The following CEP112 variants were observed in gnomAD, a reference collection of about 807,000 sequenced individuals.
CEP112 encodes centrosomal protein 112, also known as centrosomal protein of 112 kDa.
CEP112 carries 127 observed loss-of-function variants against 153.0 expected under a neutral mutation model. The observed-to-expected ratio is 0.83, with a 90% CI of 0.72 to 0.96. The LOEUF (loss-of-function observed/expected upper bound fraction) is 0.96, where lower values mean the gene tolerates loss of function less well. Among genes scored for constraint, CEP112 ranks in the 40% least tolerant of loss-of-function variants. The pLI, the probability that CEP112 is intolerant of heterozygous loss-of-function variation, is 0.00. For synonymous variants in CEP112, 358 were observed against 374.4 expected (o/e 0.96, Z 0.51); for missense variants, 1,089 against 1,101.2 (o/e 0.99, Z 0.16).
chr17:65,885,025 G>A (rs1178287096), intron 20 of CEP112, among the ~76,000 whole-genome samples: 1 of 151,904 alleles, frequency 6.6e-6, no homozygotes, highest in Admixed American at 6.6e-5. Flanking sequence ...CTAGTTTGTA[G>A]TTTCAAATAA....
chr17:65,866,838 G>T (rs751559018), intron 20 of CEP112, among the ~76,000 whole-genome samples: 1 of 152,246 alleles, frequency 6.6e-6, no homozygotes, highest in Non-Finnish European at 1.5e-5. Context: ...GGTCTCCTCT[G>T]AGCTGTTCTA....
chr17:65,914,308 G>T (rs2060393959), intron 19 of CEP112, among the ~76,000 whole-genome samples: 1 of 150,638 alleles, frequency 6.6e-6, no homozygotes. Flanking sequence ...TAAAAATCAT[G>T]TAAGTTTGCC....
At chr17:66,158,966 AAGAAGAAAAG>A (rs2071573878) in intron 4 of CEP112, among the ~76,000 whole-genome samples, 1 of 151,936 alleles carries the variant, frequency 6.6e-6, no homozygotes, top group African/African-American at 2.4e-5. Flanking sequence ...CAGACTAATA[AAGAAGAAAAG>A]AGAAGAATCA....
intron 20 of CEP112, among the ~76,000 whole-genome samples, chr17:65,895,401 G>C (rs1386234659): frequency 6.6e-6 from 1 of 152,052 alleles, no homozygotes; most frequent in Non-Finnish European, 1.5e-5. Context: ...TAAAAACTCA[G>C]TGTTGTTGGA....
chr17:66,043,041 T>C, intron 12 of CEP112: 5 of 946,648 alleles, frequency 5.3e-6, no homozygotes, highest in Non-Finnish European at 6.3e-6. Context: ...CATAGTTAAA[T>C]ATTTCAGATG....
chr17:66,018,704 A>C (rs1346193452), intron 16 of CEP112, among the ~76,000 whole-genome samples: 1 of 152,232 alleles, frequency 6.6e-6, no homozygotes, highest in African/African-American at 2.4e-5. Context: ...AAAAGCGTGC[A>C]TGATTGCTAG....
chr17:65,950,739 T>TAGC (rs2061802426), intron 18 of CEP112, among the ~76,000 whole-genome samples: 1 of 151,658 alleles, frequency 6.6e-6, no homozygotes, highest in Non-Finnish European at 1.5e-5. Context: ...GTAGTAGTAG[T>TAGC]ATTTTGCCTT....
chr17:65,910,441 G>C (rs1406050585), intron 19 of CEP112, among the ~76,000 whole-genome samples: 1 of 151,758 alleles, frequency 6.6e-6, no homozygotes, highest in Admixed American at 6.6e-5. Flanking sequence ...TGAACTTAGT[G>C]ACAAAGAAGA....
In CEP112 at chr17:66,190,054, G is replaced by C. The variant is rs995425494; in HGVS notation, c.-9+1943C>G. Among the ~76,000 whole-genome samples the C allele has an allele frequency of 2.6e-5, 4 of 152,054 alleles. No individual in the cohort carries two copies. The East Asian group carries it at 5.8e-4, about 22-fold the overall frequency. On this transcript the variant is annotated intron_variant, in intron 1 of 26. Coordinates refer to ENST00000535342, the MANE Select transcript of CEP112 (RefSeq NM_001199165.4). ...CTCAAAAAACCTGAAAATGGAACGGGTGCAGTGGCTCACACCTGTAATCCC... is the reference window on the plus strand; with the variant it reads ...CTCAAAAAACCTGAAAATGGAACGGCTGCAGTGGCTCACACCTGTAATCCC...
At chr17:66,141,328 TATGAA>T (rs2146611196) in intron 4 of CEP112, among the ~76,000 whole-genome samples, 1 of 152,052 alleles carries the variant, frequency 6.6e-6, no homozygotes, top group South Asian at 2.1e-4. Flanking sequence ...CCTTTTCACA[TATGAA>T]ATGTCTACTT....
intron 1 of CEP112, among the ~76,000 whole-genome samples, chr17:66,188,397 A>AT (rs1568598275): frequency 2.8e-4 from 36 of 129,038 alleles, no homozygotes; most frequent in South Asian, 5.8e-4. Flanking sequence ...CCATGGTCAA[A>AT]CCCCCCCCCA....
At chr17:65,728,191 C>T (rs1401809628) in intron 23 of CEP112, among the ~76,000 whole-genome samples, 1 of 152,092 alleles carries the variant, frequency 6.6e-6, no homozygotes, top group Non-Finnish European at 1.5e-5. Context: ...CTTGACAATG[C>T]CTGTTTTAGA....
At chr17:65,673,612 A>G (rs1000082335) in intron 24 of CEP112, among the ~76,000 whole-genome samples, 2 of 152,156 alleles carry the variant, frequency 1.3e-5, no homozygotes, top group Non-Finnish European at 2.9e-5. Context: ...ATAACATAAC[A>G]AATTTGAGGT....
chr17:66,028,289 T>A, intron 15 of CEP112, 24 bp downstream of exon 15: 1 of 1,385,220 alleles, frequency 7.2e-7, no homozygotes, highest in Non-Finnish European at 1.0e-6. Context: ...CCATTGTTCT[T>A]CTGTGTAGAA....
intron 24 of CEP112, among the ~76,000 whole-genome samples, chr17:65,649,560 T>TAA (rs201952242): frequency 1.3e-5 from 2 of 150,192 alleles, no homozygotes; most frequent in African/African-American, 2.5e-5. Context: ...CTACTAAAAA[T>TAA]AAAAAAAAAT....
chr17:66,156,566 G>A lies in CEP112; in HGVS notation c.470+18478C>T, dbSNP rs553258126. On this transcript the variant is annotated intron_variant, in intron 4 of 26. Transcript: ENST00000535342. ...TTTACAGAAGTAGGCTTCAGAAGGTGGGTAATAACAAACTCCTCTGAGCTA... is the reference window on the plus strand; with the variant it reads ...TTTACAGAAGTAGGCTTCAGAAGGTAGGTAATAACAAACTCCTCTGAGCTA... Among the ~76,000 whole-genome samples, 7 of 152,166 alleles carry A rather than the reference G, an allele frequency of 4.6e-5. No homozygotes were observed. The South Asian group carries it at 1.2e-3, about 27-fold the overall frequency.
intron 8 of CEP112, among the ~76,000 whole-genome samples, chr17:66,079,296 GAT>G (rs1417394903): frequency 6.6e-6 from 1 of 151,960 alleles, no homozygotes; most frequent in Non-Finnish European, 1.5e-5. Context: ...TGTATATCAG[GAT>G]ACACACACAA....
At chr17:66,158,490 T>C (rs1056831255) in intron 4 of CEP112, among the ~76,000 whole-genome samples, 1 of 151,948 alleles carries the variant, frequency 6.6e-6, no homozygotes, top group Admixed American at 6.6e-5. Flanking sequence ...TGGGCGCCTG[T>C]AGTCCCAGCT....
At position 66,116,715 on chromosome 17, in the gene CEP112, C is replaced by T. The variant is rs1372388488; in HGVS notation, c.642+13031G>A. Among the ~76,000 whole-genome samples, 3 of 152,116 alleles carry T rather than the reference C, an allele frequency of 2.0e-5. No homozygotes were observed. In the East Asian group the frequency reaches 5.8e-4, roughly 29 times the overall value. ...TGCCTCAGTTAAATCAGTTTTATAA[C>T]TATCCCATGACTATGTGAAAAGTCT... is the stretch of plus-strand genomic sequence containing the variant. On this transcript the variant is annotated intron_variant, in intron 6 of 26. Transcript: ENST00000535342.
Sources: allele counts gnomAD v4.1 joint callset (sites outside exome capture counted in the v4.1 genomes callset), GRCh38; gene constraint gnomAD v4.1.1; transcripts MANE v1.5; gene names NCBI Gene and HGNC (gene_info 2026-07-23, HGNC 2026-07-21).